Variants in CLIC5 observed in about 807,000 individuals in gnomAD.
The protein encoded by CLIC5 is chloride intracellular channel protein 5.
A neutral mutation model predicts 24.7 loss-of-function variants in CLIC5; 20 were observed. That is an observed-to-expected ratio of 0.81 (90% CI 0.57 to 1.18). The LOEUF is 1.18. Among genes scored for constraint, CLIC5 ranks in the 50% most tolerant of loss-of-function variants. The pLI, the probability that CLIC5 is intolerant of heterozygous loss-of-function variation, is 0.00. For synonymous variants in CLIC5, 159 were observed against 135.6 expected (o/e 1.17, Z -1.20); for missense variants, 341 against 326.1 (o/e 1.05, Z -0.35).
chr6:45,994,092 C>G (rs1035647551), intron 1 of CLIC5, among the ~76,000 whole-genome samples: 2 of 152,046 alleles, frequency 1.3e-5, no homozygotes, highest in African/African-American at 4.8e-5. Context: ...AGGCAGGGCT[C>G]ATGGTCAGCA....
the CLIC5 span, among the ~76,000 whole-genome samples, chr6:46,121,394 C>T: frequency 6.6e-6 from 1 of 152,102 alleles, no homozygotes; most frequent in South Asian, 2.1e-4. Context: ...GAGATTTTGT[C>T]ACCACCAGGC....
In CLIC5 at chr6:45,999,814, C is replaced by T. The variant is rs1301380102; in HGVS notation, c.63+15666G>A. Among the ~76,000 whole-genome samples, 7 of 28,246 alleles carry T rather than the reference C, an allele frequency of 2.5e-4. 2 individuals are homozygous for T. Among genetic ancestry groups the T allele is most frequent in the African/African-American group, 3.4e-4 (2 of 5,912 alleles). The allele number at this position is 28,246 out of a possible 152,430, so 18.5% of individuals were successfully genotyped here. ...ACTGCGGACTGCAGTGGCGCAATCT[C>T]GGCTCACTGCAAGCTCCGCTTCCCG... On this transcript the variant is annotated intron_variant, in intron 1 of 5. Transcript: ENST00000339561.
chr6:46,033,934 GGTT>G (rs1315108991), intron 1 of CLIC5, among the ~76,000 whole-genome samples: 1 of 152,116 alleles, frequency 6.6e-6, no homozygotes, highest in Non-Finnish European at 1.5e-5. Flanking sequence ...TAATACAAGA[GGTT>G]ATTATTTTTT....
At chr6:45,898,179 T>G (rs1329560853), downstream of CLIC5, among the ~76,000 whole-genome samples, 1 of 152,096 alleles carries the variant, frequency 6.6e-6, no homozygotes, top group Non-Finnish European at 1.5e-5. Context: ...TTCAAGCAAT[T>G]CTCCTGCCTC....
chr6:46,052,167 G>C (rs1379276878), intron 1 of CLIC5, among the ~76,000 whole-genome samples: 1 of 151,716 alleles, frequency 6.6e-6, no homozygotes, highest in Non-Finnish European at 1.5e-5. Flanking sequence ...AAATAATTGA[G>C]AAATGCTTCA....
At chr6:46,042,275 C>A (rs534456356) in intron 1 of CLIC5, among the ~76,000 whole-genome samples, 1 of 152,120 alleles carries the variant, frequency 6.6e-6, no homozygotes, top group Non-Finnish European at 1.5e-5. Context: ...GGTTGTATTT[C>A]TGCATTCAAT....
intron 6 of CLIC5, among the ~76,000 whole-genome samples, chr6:45,888,141 C>G (rs1026445981): frequency 6.6e-6 from 1 of 152,204 alleles, no homozygotes; most frequent in Non-Finnish European, 1.5e-5. Context: ...CAGCCTGCCC[C>G]TTCCCTGGGG....
intron 1 of CLIC5, among the ~76,000 whole-genome samples, chr6:46,052,304 AC>A (rs1341786633): frequency 6.6e-6 from 1 of 152,114 alleles, no homozygotes; most frequent in Admixed American, 6.5e-5. Flanking sequence ...TGTATTTAGA[AC>A]CCTTTGCTCA....
At chr6:46,092,670 T>C in the CLIC5 span, among the ~76,000 whole-genome samples, 1 of 152,198 alleles carries the variant, frequency 6.6e-6, no homozygotes, top group African/African-American at 2.4e-5. Flanking sequence ...TCTGTATTTA[T>C]ACACGTGAAA....
intron 5 of CLIC5, among the ~76,000 whole-genome samples, chr6:45,904,329 G>A (rs1205545643): frequency 6.6e-6 from 1 of 151,968 alleles, no homozygotes; most frequent in Non-Finnish European, 1.5e-5. Context: ...GACCTAGCTT[G>A]TACCCATTTG....
At chr6:45,890,096 T>C (rs930457026) in intron 6 of CLIC5, among the ~76,000 whole-genome samples, 5 of 152,244 alleles carry the variant, frequency 3.3e-5, no homozygotes, top group African/African-American at 1.2e-4. Flanking sequence ...AGTTTCTTGT[T>C]ACTGAGTAGT....
At position 45,901,822 on chromosome 6, in the gene CLIC5, G is replaced by T. The variant is rs890937188; in HGVS notation, c.*1266C>A. ...ATTGTAGGAAAATTAACCCAGATGGGTCTACATTTTTCTTCAAGTTCAAAC... is the reference window on the plus strand; with the variant it reads ...ATTGTAGGAAAATTAACCCAGATGGTTCTACATTTTTCTTCAAGTTCAAAC... On this transcript the variant is annotated 3_prime_UTR_variant, in exon 6 of 6. Coordinates refer to ENST00000339561, the MANE Select transcript of CLIC5 (RefSeq NM_016929.5). The T allele has an allele frequency of 1.3e-5, 2 of 152,488 alleles. No homozygotes were observed. Among genetic ancestry groups the T allele is most frequent in the Middle Eastern group, 3.4e-3 (1 of 292 alleles). The allele number at this position is 152,488 out of a possible 1,614,324, so 9.4% of individuals were successfully genotyped here. A position where few individuals can be genotyped will look rare whatever the true frequency, so the allele number is the denominator to read the frequency against.
intron 5 of CLIC5, among the ~76,000 whole-genome samples, chr6:45,906,192 C>T (rs760630167): frequency 4.5e-4 from 68 of 152,066 alleles, no homozygotes; most frequent in African/African-American, 8.7e-4. Flanking sequence ...TTGGCTATTC[C>T]GGCTCATTTT....
chr6:45,929,927 G>A (rs1196678015), intron 4 of CLIC5, among the ~76,000 whole-genome samples: 1 of 152,204 alleles, frequency 6.6e-6, no homozygotes, highest in Non-Finnish European at 1.5e-5. Context: ...AATGAGAAGG[G>A]GGGTGCCGCA....
the CLIC5 span, among the ~76,000 whole-genome samples, chr6:46,128,970 C>T: frequency 6.6e-6 from 1 of 152,172 alleles, no homozygotes; most frequent in Non-Finnish European, 1.5e-5. Flanking sequence ...ACCAAGGGGA[C>T]CAACGTCAGA....
intron 5 of CLIC5, among the ~76,000 whole-genome samples, chr6:45,908,386 C>CTAA (rs1383908195): frequency 6.6e-6 from 1 of 152,086 alleles, no homozygotes; most frequent in African/African-American, 2.4e-5. Flanking sequence ...TGAGATCTTT[C>CTAA]TAACTTTTTG....
chr6:45,997,533 C>T (rs971470232), intron 1 of CLIC5, among the ~76,000 whole-genome samples: 1 of 150,572 alleles, frequency 6.6e-6, no homozygotes, highest in South Asian at 2.1e-4. Context: ...AAAAAGAAAG[C>T]CAGTTCTTGG....
At chr6:45,923,324 G>A (rs1763349464) in intron 4 of CLIC5, among the ~76,000 whole-genome samples, 1 of 152,208 alleles carries the variant, frequency 6.6e-6, no homozygotes, top group Non-Finnish European at 1.5e-5. Context: ...TCAGTCATCC[G>A]TTCCAGCGTT....
intron 1 of CLIC5, among the ~76,000 whole-genome samples, chr6:46,024,381 C>T (rs2127451929): frequency 6.6e-6 from 1 of 152,242 alleles, no homozygotes; most frequent in South Asian, 2.1e-4. Context: ...CAACTGGGAT[C>T]CAATGAGATT....
Sources: allele counts gnomAD v4.1 joint callset (sites outside exome capture counted in the v4.1 genomes callset), GRCh38; gene constraint gnomAD v4.1.1; transcripts MANE v1.5; gene names NCBI Gene and HGNC (gene_info 2026-07-23, HGNC 2026-07-21).